Variants in FECH observed in about 807,000 individuals in gnomAD.
FECH encodes ferrochelatase, also known as ferrochelatase, mitochondrial.
A neutral mutation model predicts 56.9 loss-of-function variants in FECH; 40 were observed. The ratio of observed to expected loss-of-function variants is 0.70; its 90% CI spans 0.55 to 0.92. The LOEUF (loss-of-function observed/expected upper bound fraction) is 0.92. Ranked by LOEUF, FECH falls within the 40% of genes least tolerant of loss-of-function variation. FECH has a pLI of 0.00. For missense variants in FECH, 431 were observed against 529.1 expected (o/e 0.81, Z 1.82); for synonymous variants, 175 against 198.6 (o/e 0.88, Z 1.00).
chr18:57,566,613 T>C, intron 4 of FECH, 32 bp from the exon 5 acceptor site: 1 of 1,612,842 alleles, frequency 6.2e-7, no homozygotes, highest in Non-Finnish European at 8.5e-7. Context: ...AAGGAGAAAG[T>C]GTTAATCCTT....
intron 2 of FECH, among the ~76,000 whole-genome samples, chr18:57,576,020 T>TC (rs1438664099): frequency 6.6e-6 from 1 of 152,206 alleles, no homozygotes; most frequent in Non-Finnish European, 1.5e-5. Flanking sequence ...CCGGGGTTTT[T>TC]CAACCTCAGC....
chr18:57,559,085 A>G (rs1243246779), intron 7 of FECH, 60 bp downstream of exon 7: 1 of 1,145,148 alleles, frequency 8.7e-7, no homozygotes, highest in Non-Finnish European at 1.3e-6. Flanking sequence ...TTACACATTT[A>G]GAAAATGAAA....
intron 4 of FECH, among the ~76,000 whole-genome samples, chr18:57,571,066 A>G (rs1042446088): frequency 6.6e-6 from 1 of 152,270 alleles, no homozygotes; most frequent in Admixed American, 6.5e-5. Flanking sequence ...ATTTCTTTCC[A>G]GTGTAATGAT....
intron 2 of FECH, among the ~76,000 whole-genome samples, chr18:57,576,297 G>A (rs1022355601): frequency 3.3e-5 from 5 of 152,206 alleles, no homozygotes; most frequent in African/African-American, 1.2e-4. Context: ...TGAAGATGTG[G>A]TTGTTATATA....
In FECH at chr18:57,546,911, G is replaced by T. The variant is rs1338743494; in HGVS notation, c.*3801C>A. Among the ~76,000 whole-genome samples the T allele has an allele frequency of 1.3e-5, 2 of 149,420 alleles. No individual in the cohort carries two copies. The highest frequency in any genetic ancestry group is 5.0e-5 in the African/African-American group (2 of 40,382). On this transcript the variant is annotated 3_prime_UTR_variant, in exon 11 of 11. Transcript: ENST00000262093. ...AGAGGCGGAGGTTGCAGTGAGCCGAGATCGTGCCACTGTACTCCAGCTTGG... is the reference window on the plus strand; with the variant it reads ...AGAGGCGGAGGTTGCAGTGAGCCGATATCGTGCCACTGTACTCCAGCTTGG...
chr18:57,559,980 A>C (rs1054020307), intron 6 of FECH, among the ~76,000 whole-genome samples: 1 of 152,214 alleles, frequency 6.6e-6, no homozygotes. Context: ...ATAGGTGCTG[A>C]AATACCAGAA....
intron 2 of FECH, among the ~76,000 whole-genome samples, chr18:57,576,080 G>T (rs931794077): frequency 1.3e-5 from 2 of 152,140 alleles, no homozygotes; most frequent in South Asian, 4.1e-4. Flanking sequence ...GGACGGCCCT[G>T]TGCAATGCAG....
intron 4 of FECH, 76 bp from the exon 5 acceptor site, chr18:57,566,657 A>T: frequency 1.3e-6 from 2 of 1,549,650 alleles, no homozygotes; most frequent in Non-Finnish European, 1.8e-6. Context: ...AACATAATGC[A>T]ATGCCCAGAA....
intron 2 of FECH, among the ~76,000 whole-genome samples, chr18:57,575,160 C>T (rs558648781): frequency 2.6e-5 from 4 of 152,218 alleles, no homozygotes; most frequent in African/African-American, 7.2e-5. Context: ...TGCTACGTGT[C>T]GTAGCATGAA....
intron 2 of FECH, among the ~76,000 whole-genome samples, chr18:57,575,307 G>T (rs371733455): frequency 5.9e-5 from 9 of 152,186 alleles, no homozygotes; most frequent in African/African-American, 2.2e-4. Flanking sequence ...ACGCTGAGGG[G>T]TCTACTTCCT....
chr18:57,550,538 T>G lies in FECH; in HGVS notation c.*174A>C, dbSNP rs912851719. The G allele has an allele frequency of 2.9e-6, 2 of 679,730 alleles. No individual in the cohort carries two copies. The highest frequency in any genetic ancestry group is 1.9e-5 in the South Asian group (1 of 52,250). The allele number at this position is 679,730 out of a possible 1,614,324, so 42.1% of individuals were successfully genotyped here. A position where few individuals can be genotyped will look rare whatever the true frequency, so the allele number is the denominator to read the frequency against. ...TGCTTACTGTATAGTTATATAAAAA[T>G]AGAAATCCATCAAGAGTCCAATCCT... On this transcript the variant is annotated 3_prime_UTR_variant, in exon 11 of 11. Coordinates refer to ENST00000262093, the MANE Select transcript of FECH (RefSeq NM_000140.5).
At chr18:57,554,466 C>T (rs1015983482) in intron 8 of FECH, 42 bp from the exon 9 acceptor site, 25 of 1,611,074 alleles carry the variant, frequency 1.6e-5, no homozygotes, top group Non-Finnish European at 2.0e-5. Flanking sequence ...ACTATGCCTC[C>T]TGACGGTCTG....
rs139052374 is a variant in FECH, at chr18:57,581,791, G to C, written c.68-1592C>G. 3.9e-5 allele frequency among the ~76,000 whole-genome samples: 6 copies of C among 152,256 alleles called. No homozygotes were observed. In the South Asian group the frequency reaches 1.2e-3, roughly 32 times the overall value. ...TTTCAATTGTCAGTTTCTAGAGGAC[G>C]GGAACTATACCTGCTCTGATTTTAT... is the stretch of plus-strand genomic sequence containing the variant. On this transcript the variant is annotated intron_variant, in intron 1 of 10. Transcript: ENST00000262093.
intron 4 of FECH, among the ~76,000 whole-genome samples, chr18:57,569,577 A>C (rs1276690677): frequency 6.6e-6 from 1 of 152,188 alleles, no homozygotes; most frequent in Non-Finnish European, 1.5e-5. Flanking sequence ...CGGAGACAGG[A>C]GGTGGCGGGA....
intron 2 of FECH, among the ~76,000 whole-genome samples, chr18:57,575,638 T>C (rs2122338913): frequency 6.6e-6 from 1 of 152,294 alleles, no homozygotes; most frequent in South Asian, 2.1e-4. Context: ...AGACAGAGTC[T>C]CGCCATGTGG....
intron 9 of FECH, 50 bp from the exon 10 acceptor site, chr18:57,551,424 CTTTT>C (rs57800921): frequency 1.4e-6 from 2 of 1,400,262 alleles, no homozygotes; most frequent in Admixed American, 3.5e-5. Context: ...TTTTATTTTC[CTTTT>C]TTTTTCAAAG....
intron 1 of FECH, among the ~76,000 whole-genome samples, chr18:57,583,939 T>C (rs317812): frequency 0.27 from 40,934 of 152,024 alleles, 6,260 homozygotes; most frequent in East Asian, 0.64. Flanking sequence ...CCTAGCACTT[T>C]GGGAGGCCGA....
intron 5 of FECH, among the ~76,000 whole-genome samples, chr18:57,564,643 T>C (rs1246703393): frequency 6.6e-6 from 1 of 152,202 alleles, no homozygotes; most frequent in East Asian, 1.9e-4. Context: ...TCAATTTTGG[T>C]GAGTAGAATA....
At position 57,554,272 on chromosome 18, in the gene FECH, A is replaced by G; in HGVS notation, c.1065T>C (p.Val355=). 7 of 1,614,242 alleles carry G rather than the reference A, an allele frequency of 4.3e-6. No homozygotes were observed. Among genetic ancestry groups the G allele is most frequent in the Non-Finnish European group, 4.2e-6 (5 of 1,180,036 alleles). Residue 355 remains valine (V), a synonymous_variant, in exon 9 of 11, where the codon GTT becomes GTC. Transcript: ENST00000262093. ...TGGGTGCATTTACCTCCTTGGCTAA[A>G]ACTTGAGAGTACTCGATGTCCAGCT... ...LYELDIEYSQ[V]LAKECGVENI... is the part of the protein sequence containing the mutation.
Sources: allele counts gnomAD v4.1 joint callset (sites outside exome capture counted in the v4.1 genomes callset), GRCh38; gene constraint gnomAD v4.1.1; transcripts MANE v1.5; gene names NCBI Gene and HGNC (gene_info 2026-07-23, HGNC 2026-07-21).